Variants in UGT1A8 observed in about 807,000 individuals in gnomAD.
UGT1A8 encodes UDP glucuronosyltransferase family 1 member A8.
In UGT1A8, 39 loss-of-function variants were observed where a neutral mutation model predicts 45.3. The ratio of observed to expected loss-of-function variants is 0.86; its 90% CI spans 0.67 to 1.12. UGT1A8 has a LOEUF of 1.12. Ranked by LOEUF, UGT1A8 falls within the 50% of genes most tolerant of loss-of-function variation. The probability of loss-of-function intolerance (pLI) is 0.00; values close to 1 mark genes in which losing one functional copy is unlikely to be tolerated. For synonymous variants in UGT1A8, 275 were observed against 249.2 expected (o/e 1.10, Z -0.97); for missense variants, 719 against 664.9 (o/e 1.08, Z -0.90).
chr2:233,729,742 A>G (rs573582484), intron 1 of UGT1A8: 2 of 1,613,974 alleles, frequency 1.2e-6, no homozygotes, highest in East Asian at 2.2e-5. Context: ...AGACCACATG[A>G]CATTCATGCA....
chr2:233,677,370 C>A (rs1449939444), intron 1 of UGT1A8, among the ~76,000 whole-genome samples: 2 of 152,006 alleles, frequency 1.3e-5, no homozygotes, highest in African/African-American at 2.4e-5. Flanking sequence ...GGGGACCAAC[C>A]CGTGTGTAGT....
At chr2:233,671,492 A>T (rs970853257) in intron 1 of UGT1A8, among the ~76,000 whole-genome samples, 1 of 152,208 alleles carries the variant, frequency 6.6e-6, no homozygotes, top group Admixed American at 6.5e-5. Flanking sequence ...CTTTGCTTAG[A>T]GCATGAGTTG....
chr2:233,631,757 C>A (rs1430776729), intron 1 of UGT1A8, among the ~76,000 whole-genome samples: 1 of 151,994 alleles, frequency 6.6e-6, no homozygotes, highest in African/African-American at 2.4e-5. Flanking sequence ...GGATAGATTG[C>A]AAAATTTTTC....
chr2:233,701,576 T>C (rs955691834), intron 1 of UGT1A8, among the ~76,000 whole-genome samples: 6 of 152,220 alleles, frequency 3.9e-5, no homozygotes, highest in East Asian at 1.9e-4. Context: ...TACTCCAAAA[T>C]TGACCACATA....
rs2012736 is a variant in UGT1A8 at position 233,713,733 on chromosome 2, C to A, written c.856-53301C>A. ...TCAGAGAGAGGTGTCAGTGGTGGAT[C>A]TTGTCAGCCATGCATCTGTGTGGCT... On this transcript the variant is annotated intron_variant, in intron 1 of 4. Transcript: ENST00000373450. The A allele has an allele frequency of 0.091, 144,275 of 1,587,018 alleles. 8,662 individuals carry two copies. The highest frequency in any genetic ancestry group is 0.18 in the South Asian group (15,785 of 87,122).
chr2:233,644,683 A>G (rs930349787), intron 1 of UGT1A8, among the ~76,000 whole-genome samples: 2 of 152,164 alleles, frequency 1.3e-5, no homozygotes, highest in African/African-American at 2.4e-5. Flanking sequence ...AGTGCCTCCC[A>G]ATTGTCTCCC....
intron 1 of UGT1A8, among the ~76,000 whole-genome samples, chr2:233,651,245 G>T (rs1363084697): frequency 2.6e-5 from 4 of 151,984 alleles, no homozygotes; most frequent in Admixed American, 2.6e-4. Context: ...CCCAGTTGTG[G>T]GATCCTGCCA....
intron 1 of UGT1A8, among the ~76,000 whole-genome samples, chr2:233,646,785 C>G (rs373087146): frequency 6.6e-6 from 1 of 152,180 alleles, no homozygotes; most frequent in Non-Finnish European, 1.5e-5. Flanking sequence ...CCTACATTTT[C>G]CTGTCTTCTT....
At chr2:233,699,478 A>G (rs146096566) in intron 1 of UGT1A8, among the ~76,000 whole-genome samples, 192 of 152,320 alleles carry the variant, frequency 1.3e-3, no homozygotes, top group Non-Finnish European at 2.0e-3. Flanking sequence ...AGTAAATCCT[A>G]GTCTCTTCTA....
In UGT1A8 at chr2:233,618,246, G is replaced by A. The variant is rs1284587697; in HGVS notation, c.539G>A (p.Gly180Asp). The change falls in exon 1 of 5, where the codon GGT becomes GAT. Residue 180 changes from glycine to aspartate, a missense_variant. Gly to Asp is a moderately conservative substitution (Grantham distance 94, BLOSUM62 -1). Transcript: ENST00000373450. ...ATAGCTTGCCACTATCTTGAAGAAG[G>A]TGCACAGTGCCCTGCTCCTCTTTCC... ...RGIACHYLEE[G>D]AQCPAPLSYV... The A allele has an allele frequency of 1.2e-6, 2 of 1,613,932 alleles. No homozygotes were observed. The highest frequency in any genetic ancestry group is 8.5e-7 in the Non-Finnish European group (1 of 1,179,876).
intron 1 of UGT1A8, among the ~76,000 whole-genome samples, chr2:233,689,284 G>A (rs2074934855): frequency 6.6e-6 from 1 of 152,118 alleles, no homozygotes; most frequent in African/African-American, 2.4e-5. Context: ...AACTAAACTG[G>A]GGTTCACTCA....
intron 1 of UGT1A8, chr2:233,761,265 G>A (rs1265780323): frequency 1.3e-6 from 2 of 1,595,780 alleles, no homozygotes; most frequent in Non-Finnish European, 8.6e-7. Flanking sequence ...AATTTAAAAT[G>A]CCCTCTTTTG....
At chr2:233,681,647 CA>C (rs768465689) in intron 1 of UGT1A8, among the ~76,000 whole-genome samples, 2 of 151,822 alleles carry the variant, frequency 1.3e-5, no homozygotes, top group Admixed American at 6.6e-5. Flanking sequence ...AGGCCAAAAG[CA>C]TTGCTTAATA....
At chr2:233,644,448 A>G (rs1015078725) in intron 1 of UGT1A8, among the ~76,000 whole-genome samples, 1 of 152,130 alleles carries the variant, frequency 6.6e-6, no homozygotes. Context: ...CATGCCGGTA[A>G]TCCCAGCTAC....
chr2:233,672,196 CG>C (rs1559334131), intron 1 of UGT1A8: 4 of 1,614,084 alleles, frequency 2.5e-6, no homozygotes, highest in Non-Finnish European at 3.4e-6. Context: ...GGATCTGGAC[CG>C]GGAGTTCAAG....
intron 1 of UGT1A8, among the ~76,000 whole-genome samples, chr2:233,764,636 A>G (rs757477318): frequency 9.9e-5 from 15 of 152,106 alleles, no homozygotes; most frequent in Non-Finnish European, 1.9e-4. Flanking sequence ...CAAAGGTCCT[A>G]GGAAATTTAA....
intron 1 of UGT1A8, among the ~76,000 whole-genome samples, chr2:233,643,127 C>T (rs2073500204): frequency 6.6e-6 from 1 of 152,234 alleles, no homozygotes; most frequent in Non-Finnish European, 1.5e-5. Context: ...ACCTGCATCC[C>T]TCCCTTCAGA....
intron 1 of UGT1A8, among the ~76,000 whole-genome samples, chr2:233,676,355 A>G (rs1404847011): frequency 6.6e-6 from 1 of 152,202 alleles, no homozygotes; most frequent in Non-Finnish European, 1.5e-5. Context: ...GAATAAATAT[A>G]GGATTATAGC....
rs753609434 is a variant in UGT1A8 at position 233,618,338 on chromosome 2, A to G, written c.631A>G (p.Ile211Val). The G allele has an allele frequency of 3.1e-6, 5 of 1,613,992 alleles. No homozygotes were observed. The highest frequency in any genetic ancestry group is 4.2e-6 in the Non-Finnish European group (5 of 1,179,864). The change falls in exon 1 of 5, where the codon ATC becomes GTC. Residue 211 changes from isoleucine to valine, a missense_variant. Transcript: ENST00000373450. ...MTFKERVRNH[I>V]MHLEEHLFCQ... Reference sequence around the variant, plus strand: ...TTTCAAGGAGAGAGTACGGAACCACATCATGCACTTGGAGGAACATTTATT... The same window carrying G: ...TTTCAAGGAGAGAGTACGGAACCACGTCATGCACTTGGAGGAACATTTATT...
Sources: allele counts gnomAD v4.1 joint callset (sites outside exome capture counted in the v4.1 genomes callset), GRCh38; gene constraint gnomAD v4.1.1; transcripts MANE v1.5; gene names NCBI Gene and HGNC (gene_info 2026-07-23, HGNC 2026-07-21).